LYPD6: variants seen among roughly 807,000 people sequenced by gnomAD.
LYPD6 encodes the protein LY6/PLAUR domain containing 6.
A neutral mutation model predicts 22.7 loss-of-function variants in LYPD6; 15 were observed. That is an observed-to-expected ratio of 0.66 (90% confidence interval 0.44 to 1.02). The LOEUF (loss-of-function observed/expected upper bound fraction) is 1.02, where lower values mean the gene tolerates loss of function less well. LYPD6 is among the 50% of genes least tolerant of loss of function. LYPD6 has a pLI of 0.00. For synonymous variants in LYPD6, 72 were observed against 77.5 expected (o/e 0.93, Z 0.37); for missense variants, 189 against 208.4 (o/e 0.91, Z 0.57).
intron 1 of LYPD6, among the ~76,000 whole-genome samples, chr2:149,388,248 A>G (rs1279922122): frequency 6.6e-6 from 1 of 151,290 alleles, no homozygotes. Context: ...CTTTAGAAGC[A>G]GAGGAAGTGT....
intron 3 of LYPD6, among the ~76,000 whole-genome samples, chr2:149,457,925 G>A (rs1453497985): frequency 3.3e-5 from 5 of 152,170 alleles, no homozygotes; most frequent in African/African-American, 1.2e-4. Flanking sequence ...TAGACTTGAA[G>A]CTAAAGAAGT....
chr2:149,398,256 G>T (rs1268898783), intron 1 of LYPD6, among the ~76,000 whole-genome samples: 2 of 151,916 alleles, frequency 1.3e-5, no homozygotes, highest in Non-Finnish European at 2.9e-5. Context: ...TTCAGTTACT[G>T]TCTCTCTTCC....
intron 1 of LYPD6, chr2:149,367,946 A>ATT: frequency 6.6e-6 from 1 of 152,230 alleles, no homozygotes; most frequent in Non-Finnish European, 1.5e-5. Context: ...GTTCCAGGAC[A>ATT]AGGTATCCAA....
At chr2:149,428,683 T>A (rs1683238128) in intron 1 of LYPD6, among the ~76,000 whole-genome samples, 1 of 152,214 alleles carries the variant, frequency 6.6e-6, no homozygotes, top group Non-Finnish European at 1.5e-5. Context: ...TGTGAAACTC[T>A]TCAATAGTTA....
intron 1 of LYPD6, among the ~76,000 whole-genome samples, chr2:149,397,155 A>T (rs1037008730): frequency 6.6e-6 from 1 of 152,196 alleles, no homozygotes. Context: ...AACTACCTTA[A>T]AACAGCAGTG....
At position 149,472,471 on chromosome 2, in the gene LYPD6, T is replaced by C. The variant is rs577714687; in HGVS notation, c.*1621T>C. The C allele has an allele frequency of 6.5e-6, 1 of 152,720 alleles. No homozygotes were observed. The highest frequency in any genetic ancestry group is 1.5e-5 in the Non-Finnish European group (1 of 68,032). 9.5% of individuals were successfully genotyped at this position (152,720 alleles called of 1,614,324 possible). A position where few individuals can be genotyped will look rare whatever the true frequency, so the allele number is the denominator to read the frequency against. ...GTTGTCAGGGTCCATCTGCCCTCCA[T>C]AGAAAAATGTCTCTGGCTCATAAAA... On this transcript the variant is annotated 3_prime_UTR_variant, in exon 5 of 5. Transcript: ENST00000334166.
intron 1 of LYPD6, among the ~76,000 whole-genome samples, chr2:149,332,017 G>T (rs1680948269): frequency 6.6e-6 from 1 of 152,180 alleles, no homozygotes; most frequent in South Asian, 2.1e-4. Flanking sequence ...GACATTAATG[G>T]TTACTGTATA....
intron 1 of LYPD6, among the ~76,000 whole-genome samples, chr2:149,358,981 T>C (rs1681518661): frequency 6.6e-6 from 1 of 152,236 alleles, no homozygotes; most frequent in Non-Finnish European, 1.5e-5. Flanking sequence ...TCTCAATTTA[T>C]TATTCTTTAA....
At chr2:149,369,540 C>T (rs1264841299) in intron 1 of LYPD6, among the ~76,000 whole-genome samples, 1 of 152,128 alleles carries the variant, frequency 6.6e-6, no homozygotes, top group Non-Finnish European at 1.5e-5. Context: ...CCCATGGTGT[C>T]ATGCAATACA....
chr2:149,378,195 C>T (rs1681973674), intron 1 of LYPD6, among the ~76,000 whole-genome samples: 1 of 152,150 alleles, frequency 6.6e-6, no homozygotes. Flanking sequence ...CAGCTCCTTG[C>T]AGCCTCAACC....
At chr2:149,391,984 C>T (rs1244499755) in intron 1 of LYPD6, among the ~76,000 whole-genome samples, 1 of 152,172 alleles carries the variant, frequency 6.6e-6, no homozygotes, top group East Asian at 1.9e-4. Context: ...ATACAACAGA[C>T]ATTTATTTTC....
chr2:149,372,253 C>CT (rs536389574), intron 1 of LYPD6, among the ~76,000 whole-genome samples: 9 of 152,204 alleles, frequency 5.9e-5, no homozygotes, highest in Non-Finnish European at 1.0e-4. Context: ...CGATACAACT[C>CT]TATCAGTAAG....
chr2:149,348,669 A>G (rs1278710723), intron 1 of LYPD6, among the ~76,000 whole-genome samples: 3 of 152,244 alleles, frequency 2.0e-5, no homozygotes, highest in Non-Finnish European at 2.9e-5. Context: ...TTATCACACT[A>G]TGTTGATTCT....
intron 1 of LYPD6, among the ~76,000 whole-genome samples, chr2:149,333,377 T>A (rs943539401): frequency 1.3e-5 from 2 of 152,254 alleles, no homozygotes; most frequent in African/African-American, 4.8e-5. Flanking sequence ...TTGCATACTA[T>A]TTATTAATGA....
intron 1 of LYPD6, among the ~76,000 whole-genome samples, chr2:149,388,263 T>C (rs886952250): frequency 2.6e-5 from 4 of 152,010 alleles, no homozygotes; most frequent in Non-Finnish European, 4.4e-5. Flanking sequence ...AAGTGTACTT[T>C]GATACTGTTG....
intron 1 of LYPD6, among the ~76,000 whole-genome samples, chr2:149,398,238 T>C (rs576808470): frequency 6.6e-6 from 1 of 152,296 alleles, no homozygotes; most frequent in Non-Finnish European, 1.5e-5. Context: ...TTTTTTCTCT[T>C]TTATTTCTTC....
At chr2:149,346,146 A>C (rs997080351) in intron 1 of LYPD6, among the ~76,000 whole-genome samples, 2 of 152,256 alleles carry the variant, frequency 1.3e-5, no homozygotes, top group Admixed American at 6.5e-5. Context: ...TTATTCCAGT[A>C]ATGTAGCCAC....
At chr2:149,344,438 T>C (rs983825320) in intron 1 of LYPD6, among the ~76,000 whole-genome samples, 5 of 152,190 alleles carry the variant, frequency 3.3e-5, no homozygotes, top group Non-Finnish European at 7.3e-5. Context: ...TTGAAACATT[T>C]ATACTAATAG....
At chr2:149,333,966 A>T (rs974927197) in intron 1 of LYPD6, among the ~76,000 whole-genome samples, 5 of 152,200 alleles carry the variant, frequency 3.3e-5, no homozygotes, top group African/African-American at 1.2e-4. Context: ...TATGTTAGGG[A>T]AGAAATGAAA....
Sources: gnomAD v4.1 joint callset for allele counts (sites outside exome capture counted in the v4.1 genomes callset) on GRCh38, gnomAD v4.1.1 for gene constraint, MANE v1.5 for transcripts, NCBI Gene and HGNC (gene_info 2026-07-23, HGNC 2026-07-21) for gene names.